Variants in ZNF397 observed in about 807,000 individuals in gnomAD.
ZNF397 encodes zinc finger and SCAN domain-containing protein 15.
In ZNF397, 38 loss-of-function variants were observed where a neutral mutation model predicts 50.6. The ratio of observed to expected loss-of-function variants is 0.75; its 90% CI spans 0.58 to 0.98. The LOEUF (loss-of-function observed/expected upper bound fraction) is 0.98, where lower values mean the gene tolerates loss of function less well. Ranked by LOEUF, ZNF397 falls within the 50% of genes least tolerant of loss-of-function variation. The pLI is 0.00. For missense variants in ZNF397, 624 were observed against 624.1 expected, an observed-to-expected ratio of 1.00 and a Z score of 0.00; for synonymous variants, 228 against 215.2, an observed-to-expected ratio of 1.06 and a Z score of -0.52.
chr18:35,242,862 A>T lies in ZNF397; in HGVS notation c.392A>T (p.Glu131Val). ...AVTLLEDLEREFDDPGQQVPA... is the reference protein window; with the variant it reads ...AVTLLEDLERVFDDPGQQVPA... The stretch of plus-strand genomic sequence containing the variant: ...ACCCTGTTGGAGGATTTAGAGAGGG[A>T]GTTTGATGACCCAGGGCAGCAGGTG... Residue 131 changes from glutamate (E) to valine (V), a missense_variant, in exon 2 of 4, where the codon GAG (glutamate) becomes GTG (valine). Transcript: ENST00000330501. 6.2e-7 allele frequency: 1 copy of T among 1,611,468 alleles called. No individual in the cohort carries two copies. Among genetic ancestry groups the T allele is most frequent in the Non-Finnish European group, 8.5e-7 (1 of 1,178,372 alleles).
chr18:35,257,805 G>A, intron 5 of ZNF397: 1 of 764,762 alleles, frequency 1.3e-6, no homozygotes, highest in South Asian at 1.4e-5. Flanking sequence ...ACTCTGCAGT[G>A]CAATTATGCT....
At chr18:35,251,578 C>A (rs867523669), downstream of ZNF397, 3 of 152,088 alleles carry the variant, frequency 2.0e-5, no homozygotes, top group African/African-American at 7.2e-5. Flanking sequence ...GAGGGAGGGT[C>A]GTGGTGGGAG....
In ZNF397 at chr18:35,247,102, G is replaced by A. The variant is rs1256753838; in HGVS notation, c.*792G>A. 2.0e-6 allele frequency: 2 copies of A among 985,390 alleles called. No homozygotes were observed. The highest frequency in any genetic ancestry group is 2.4e-6 in the Non-Finnish European group (2 of 830,034). The allele number at this position is 985,390 out of a possible 1,614,324, so 61.0% of individuals were successfully genotyped here. ...CCCCAGTAAAGAACAGTAGCCAAAGGCCAGAAACAAAGTGTGGAGCATTCC... is the reference window on the plus strand; with the variant it reads ...CCCCAGTAAAGAACAGTAGCCAAAGACCAGAAACAAAGTGTGGAGCATTCC... On this transcript the variant is annotated 3_prime_UTR_variant, in exon 4 of 4. Coordinates refer to ENST00000330501, the MANE Select transcript of ZNF397 (RefSeq NM_001135178.3).
chr18:35,258,022 A>G, exon 6 of ZNF397: 1 of 780,500 alleles, frequency 1.3e-6, no homozygotes, highest in South Asian at 1.3e-5. Context: ...AGGCTAGTGA[A>G]GCACCTACAA....
downstream of ZNF397, chr18:35,254,663 C>T (rs569071628): frequency 2.9e-5 from 14 of 479,592 alleles, no homozygotes; most frequent in Admixed American, 1.0e-4. Context: ...GGAATATTGG[C>T]GATAAACCAG....
At position 35,245,874 on chromosome 18, in the gene ZNF397, T is replaced by C; in HGVS notation, c.1169T>C (p.Ile390Thr). 6.4e-7 allele frequency: 1 copy of C among 1,556,814 alleles called. No individual in the cohort carries two copies. Among genetic ancestry groups the C allele is most frequent in the Non-Finnish European group, 8.7e-7 (1 of 1,150,052 alleles). ...QSSYLIIHQR[I>T]HTGEKPYECN... ...TCATATCTCATTATACATCAAAGAA[T>C]TCACACTGGTGAGAAACCTTATGAG... Residue 390 changes from isoleucine (I) to threonine (T), a missense_variant, in exon 4 of 4, where the codon ATT becomes ACT. Ile to Thr is a moderately conservative substitution (Grantham distance 89). Transcript: ENST00000330501.
Position 35,245,853 on chromosome 18 carries a change from ATC to A in ZNF397, c.1151_1152del (p.Leu384HisfsTer10). On this transcript the variant is annotated frameshift_variant, in exon 4 of 4. Transcript: ENST00000330501. LOFTEE classifies it high-confidence loss of function. ...GGCAAAGCATTCAGTCAAAGTTCAT[ATC>A]TCATTATACATCAAAGAATTCACAC... 6.4e-7 allele frequency: 1 copy of A among 1,553,480 alleles called. No individual in the cohort carries two copies. Among genetic ancestry groups the A allele is most frequent in the African/African-American group, 1.4e-5 (1 of 73,206 alleles).
chr18:35,257,576 T>C, intron 5 of ZNF397: 1 of 276,528 alleles, frequency 3.6e-6, no homozygotes, highest in South Asian at 6.0e-5. Flanking sequence ...GCTAGCACCT[T>C]GAACTTCTCA....
At chr18:35,242,175 A>G (rs1403304364) in intron 1 of ZNF397, among the ~76,000 whole-genome samples, 1 of 152,212 alleles carries the variant, frequency 6.6e-6, no homozygotes, top group Non-Finnish European at 1.5e-5. Context: ...GGCTTCTAAA[A>G]TAGTTTTTTC....
At position 35,242,490 on chromosome 18, in the gene ZNF397, T is replaced by G. The variant is rs1598577825; in HGVS notation, c.20T>G (p.Val7Gly). 6.2e-7 allele frequency: 1 copy of G among 1,612,504 alleles called. No individual in the cohort carries two copies. The highest frequency in any genetic ancestry group is 2.2e-5 in the East Asian group (1 of 44,872). Reference sequence around the variant, plus strand: ...CCAAGAATGGCTGTGGAATCTGGAGTGATTTCAACCCTGATACCTCAGGAT... The same window carrying G: ...CCAAGAATGGCTGTGGAATCTGGAGGGATTTCAACCCTGATACCTCAGGAT... MAVESG[V>G]ISTLIPQDPP... The change falls in exon 2 of 4, where the codon GTG becomes GGG. Residue 7 changes from valine (V) to glycine (G), a missense_variant. Coordinates refer to ENST00000330501, the MANE Select transcript of ZNF397 (RefSeq NM_001135178.3).
Position 35,242,666 on chromosome 18 carries a change from G to T in ZNF397, c.196G>T (p.Glu66Ter). 1 of 1,614,238 alleles carries T rather than the reference G, an allele frequency of 6.2e-7. No homozygotes were observed. The highest frequency in any genetic ancestry group is 8.5e-7 in the Non-Finnish European group (1 of 1,180,054). ...FCYQETPGPR[E>*]ALSRLQELCY... ...CTACCAGGAGACACCTGGGCCCCGG[G>T]AGGCTCTGAGCCGACTCCAGGAACT... The change falls in exon 2 of 4, where the codon GAG becomes TAG. Residue 66 changes from glutamate (E) to a stop codon, truncating the protein, a stop_gained. Coordinates refer to ENST00000330501, the MANE Select transcript of ZNF397 (RefSeq NM_001135178.3). LOFTEE classifies it high-confidence loss of function.
downstream of ZNF397, chr18:35,249,809 G>T (rs898946340): frequency 1.4e-4 from 21 of 151,934 alleles, no homozygotes; most frequent in Non-Finnish European, 2.4e-4. Flanking sequence ...AAAACATAAA[G>T]TGCTATACTG....
At chr18:35,243,454 A>T in intron 3 of ZNF397, 161 bp downstream of exon 3, 1 of 900,440 alleles carries the variant, frequency 1.1e-6, no homozygotes, top group Non-Finnish European at 1.8e-6. Context: ...ACCCCTCATG[A>T]ATTGCTGTCA....
rs1485220011 is a variant in ZNF397 at position 35,241,212 on chromosome 18, C to G, written c.-81+103C>G. ...GGCCTGCCCATCCCCAGGTCGCGGC[C>G]CTTTGGCCCGCGCGGCGTCTCCAAG... On this transcript the variant is annotated intron_variant, in intron 1 of 3. Transcript: ENST00000330501. 7 of 152,300 alleles carry G rather than the reference C, an allele frequency of 4.6e-5. No individual in the cohort carries two copies. In the East Asian group the frequency reaches 9.7e-4, roughly 21 times the overall value. The allele number at this position is 152,300 out of a possible 1,614,324, so 9.4% of individuals were successfully genotyped here.
At position 35,246,657 on chromosome 18, in the gene ZNF397, C is replaced by A; in HGVS notation, c.*347C>A. Reference sequence around the variant, plus strand: ...GTCACTGCATCTGATTGTTAGTGTGCCAGGTTATGGGGCTGGTGTGGACTG... The same window carrying A: ...GTCACTGCATCTGATTGTTAGTGTGACAGGTTATGGGGCTGGTGTGGACTG... On this transcript the variant is annotated 3_prime_UTR_variant, in exon 4 of 4. Transcript: ENST00000330501. The A allele has an allele frequency of 8.7e-6, 9 of 1,040,114 alleles. No homozygotes were observed. The highest frequency in any genetic ancestry group is 1.0e-5 in the Non-Finnish European group (9 of 864,418). The allele number at this position is 1,040,114 out of a possible 1,614,324, so 64.4% of individuals were successfully genotyped here. A position where few individuals can be genotyped will look rare whatever the true frequency, so the allele number is the denominator to read the frequency against.
chr18:35,256,731 G>C (rs1431408440), intron 5 of ZNF397, among the ~76,000 whole-genome samples: 1 of 152,016 alleles, frequency 6.6e-6, no homozygotes, highest in African/African-American at 2.4e-5. Context: ...ATAAGGCACA[G>C]GTATCTCTGT....
chr18:35,250,429 C>G (rs2043558261), downstream of ZNF397, among the ~76,000 whole-genome samples: 1 of 152,230 alleles, frequency 6.6e-6, no homozygotes, highest in Non-Finnish European at 1.5e-5. Context: ...CTGCTCAGGG[C>G]TGTCCTGTTT....
chr18:35,257,210 G>A (rs1284283063), intron 5 of ZNF397: 1 of 152,260 alleles, frequency 6.6e-6, no homozygotes, highest in Non-Finnish European at 1.5e-5. Flanking sequence ...CTAGGGATGT[G>A]GCCTTCAATT....
chr18:35,247,281 C>T lies in ZNF397; in HGVS notation c.*971C>T, dbSNP rs909806014. On this transcript the variant is annotated 3_prime_UTR_variant, in exon 4 of 4. Transcript: ENST00000330501. ...AAGAGCTTTGTCTTGGTTTATGTGA[C>T]CCCAGGGAAAGGGCAAATATGTGGT... 3.1e-6 allele frequency: 2 copies of T among 646,364 alleles called. No individual in the cohort carries two copies. Among genetic ancestry groups the T allele is most frequent in the Admixed American group, 6.3e-5 (1 of 15,902 alleles). 40.0% of individuals were successfully genotyped at this position (646,364 alleles called of 1,614,324 possible).
Sources: allele counts gnomAD v4.1 joint callset (sites outside exome capture counted in the v4.1 genomes callset), GRCh38; gene constraint gnomAD v4.1.1; transcripts MANE v1.5; gene names NCBI Gene and HGNC (gene_info 2026-07-23, HGNC 2026-07-21).